Variants in RASGRF2 observed in about 807,000 individuals in gnomAD.
The protein encoded by RASGRF2 is Ras protein specific guanine nucleotide releasing factor 2, also known as ras-specific guanine nucleotide-releasing factor 2.
RASGRF2 carries 76 observed loss-of-function variants against 151.0 expected under a neutral mutation model. That is an observed-to-expected ratio of 0.50 (90% CI 0.42 to 0.61). The LOEUF is 0.61. RASGRF2 is among the 20% of genes least tolerant of loss of function. RASGRF2 has a pLI of 0.00. For synonymous variants in RASGRF2, 504 were observed against 566.5 expected, an observed-to-expected ratio of 0.89 and a Z score of 1.57; for missense variants, 1,148 against 1,564.6, an observed-to-expected ratio of 0.73 and a Z score of 4.49.
intron 17 of RASGRF2, among the ~76,000 whole-genome samples, chr5:81,172,363 TTC>T (rs1421040016): frequency 5.3e-5 from 8 of 152,136 alleles, no homozygotes; most frequent in Admixed American, 3.9e-4. Context: ...GATTTTACCA[TTC>T]TTCATGTATT....
At chr5:80,978,658 G>T (rs1748202864) in intron 1 of RASGRF2, among the ~76,000 whole-genome samples, 1 of 152,110 alleles carries the variant, frequency 6.6e-6, no homozygotes, top group Admixed American at 6.5e-5. Context: ...GCGATGGCGG[G>T]TGCCTGTAAT....
At chr5:81,025,732 C>T (rs1412163490) in intron 1 of RASGRF2, among the ~76,000 whole-genome samples, 1 of 152,052 alleles carries the variant, frequency 6.6e-6, no homozygotes, top group African/African-American at 2.4e-5. Flanking sequence ...GGCTACATTG[C>T]CCGTTATATA....
intron 1 of RASGRF2, among the ~76,000 whole-genome samples, chr5:80,988,601 T>G (rs1580171671): frequency 6.6e-6 from 1 of 152,208 alleles, no homozygotes; most frequent in East Asian, 1.9e-4. Context: ...CTGTCTGCTT[T>G]CAGATGCTGA....
intron 17 of RASGRF2, among the ~76,000 whole-genome samples, chr5:81,171,000 G>C (rs1754645005): frequency 6.6e-6 from 1 of 151,996 alleles, no homozygotes; most frequent in South Asian, 2.1e-4. Context: ...AAAGCCTACT[G>C]TGTTTAGACA....
At chr5:80,997,045 C>T (rs983326284) in intron 1 of RASGRF2, 4 of 152,106 alleles carry the variant, frequency 2.6e-5, no homozygotes, top group African/African-American at 9.7e-5. Flanking sequence ...CATTTTCAGC[C>T]AATATTACAA....
chr5:81,099,907 C>CTTTTTTTTTTTTTTTTTT (rs577876645), intron 12 of RASGRF2, among the ~76,000 whole-genome samples: 1 of 125,036 alleles, frequency 8.0e-6, no homozygotes, highest in Non-Finnish European at 1.6e-5. Flanking sequence ...TTTCTTTTTT[C>CTTTTTTTTTTTTTTTTTT]TTTTTTTTTT....
chr5:81,181,860 T>C (rs573547946), intron 18 of RASGRF2, among the ~76,000 whole-genome samples: 120 of 152,274 alleles, frequency 7.9e-4, no homozygotes, highest in Admixed American at 2.0e-3. Context: ...GCCCTCTTTT[T>C]CTAATTATCT....
At chr5:81,184,112 C>CA (rs1754974703) in intron 18 of RASGRF2, among the ~76,000 whole-genome samples, 1 of 152,198 alleles carries the variant, frequency 6.6e-6, no homozygotes, top group Admixed American at 6.5e-5. Context: ...TCCTGGAGGT[C>CA]ATTTTCTAGC....
intron 17 of RASGRF2, among the ~76,000 whole-genome samples, chr5:81,143,546 C>T (rs1325895189): frequency 6.6e-6 from 1 of 152,152 alleles, no homozygotes; most frequent in Admixed American, 6.5e-5. Flanking sequence ...GAAAGACTCT[C>T]ACTATCTAAT....
chr5:81,127,110 C>T lies in RASGRF2; in HGVS notation c.2633C>T (p.Pro878Leu), dbSNP rs1218079670. 33 of 1,613,978 alleles carry T rather than the reference C, an allele frequency of 2.0e-5. No homozygotes were observed. Among genetic ancestry groups the T allele is most frequent in the East Asian group, 1.3e-4 (6 of 44,902 alleles). The change falls in exon 17 of 27, where the codon CCG (proline) becomes CTG (leucine). Residue 878 changes from proline (P) to leucine (L), a missense_variant. Around this residue, in one of 5 missense-constraint regions of RASGRF2, gnomAD observed 646 missense variants for 807.4 expected, o/e 0.80. Coordinates refer to ENST00000265080, the MANE Select transcript of RASGRF2 (RefSeq NM_006909.3). Reference sequence around the variant, plus strand: ...GACAATGCCCACTGCTCTGTTTCACCGGCTTCTGCTTTTGCAATAGCCACA... The same window carrying T: ...GACAATGCCCACTGCTCTGTTTCACTGGCTTCTGCTTTTGCAATAGCCACA... The part of the protein sequence containing the change: ...TADNAHCSVS[P>L]ASAFAIATAA...
intron 7 of RASGRF2, among the ~76,000 whole-genome samples, chr5:81,081,185 G>C (rs1372673275): frequency 6.6e-6 from 1 of 152,140 alleles, no homozygotes; most frequent in Non-Finnish European, 1.5e-5. Context: ...AAAGATTCTT[G>C]GGGACGGAGT....
At chr5:81,057,526 A>AT (rs1209874043) in intron 2 of RASGRF2, among the ~76,000 whole-genome samples, 2 of 151,926 alleles carry the variant, frequency 1.3e-5, no homozygotes, top group Non-Finnish European at 2.9e-5. Context: ...GGTGGTTAGG[A>AT]TTTTTTATTT....
intron 1 of RASGRF2, among the ~76,000 whole-genome samples, chr5:81,031,434 A>T (rs1444117065): frequency 6.6e-6 from 1 of 152,234 alleles, no homozygotes; most frequent in Admixed American, 6.5e-5. Context: ...AAGAAGAGAA[A>T]TTATAACAAA....
intron 1 of RASGRF2, among the ~76,000 whole-genome samples, chr5:81,014,388 T>C (rs184148486): frequency 2.3e-4 from 35 of 152,322 alleles, no homozygotes; most frequent in African/African-American, 7.2e-4. Flanking sequence ...TCACATCTTA[T>C]GTGGATGGTG....
At chr5:81,173,158 C>A (rs1242987091) in intron 17 of RASGRF2, among the ~76,000 whole-genome samples, 1 of 152,060 alleles carries the variant, frequency 6.6e-6, no homozygotes. Flanking sequence ...AGGTGGATCA[C>A]CTGAGGTTAG....
intron 1 of RASGRF2, among the ~76,000 whole-genome samples, chr5:81,034,180 CA>C (rs1561567965): frequency 6.6e-6 from 1 of 151,514 alleles, no homozygotes; most frequent in Non-Finnish European, 1.5e-5. Context: ...TTTATGCAGC[CA>C]AAAAACACAT....
chr5:81,165,196 C>T (rs1012566135), intron 17 of RASGRF2, among the ~76,000 whole-genome samples: 6 of 152,008 alleles, frequency 3.9e-5, no homozygotes, highest in Admixed American at 6.6e-5. Flanking sequence ...GGTTACGGAC[C>T]CTGGGGAGGA....
At chr5:81,124,514 G>A (rs1211306115) in intron 16 of RASGRF2, among the ~76,000 whole-genome samples, 2 of 152,058 alleles carry the variant, frequency 1.3e-5, no homozygotes, top group Non-Finnish European at 2.9e-5. Context: ...ATCACAATCT[G>A]GGGAGACCCT....
At chr5:81,154,774 C>G (rs1299381447) in intron 17 of RASGRF2, among the ~76,000 whole-genome samples, 1 of 152,180 alleles carries the variant, frequency 6.6e-6, no homozygotes, top group Non-Finnish European at 1.5e-5. Flanking sequence ...ATACTGGTTT[C>G]ATTTCCTTTG....
Sources: allele counts gnomAD v4.1 joint callset (sites outside exome capture counted in the v4.1 genomes callset), GRCh38; gene constraint gnomAD v4.1.1; regional missense constraint gnomAD v4.1.1; transcripts MANE v1.5; gene names NCBI Gene and HGNC (gene_info 2026-07-23, HGNC 2026-07-21).